Variants in TXNL1 observed in about 807,000 individuals in gnomAD.
TXNL1 encodes thioredoxin-like protein 1.
In TXNL1, 14 loss-of-function variants were observed where a neutral mutation model predicts 35.5. The observed-to-expected ratio is 0.39, with a 90% CI of 0.26 to 0.62. The LOEUF (loss-of-function observed/expected upper bound fraction) is 0.62, where lower values mean the gene tolerates loss of function less well. Among genes scored for constraint, TXNL1 ranks in the 20% least tolerant of loss-of-function variants. The pLI, the probability that TXNL1 is intolerant of heterozygous loss-of-function variation, is 0.47. For synonymous variants in TXNL1, 110 were observed against 115.5 expected (o/e 0.95, Z 0.31); for missense variants, 263 against 349.7 (o/e 0.75, Z 1.98).
chr18:56,620,948 C>A (rs1444882690), intron 3 of TXNL1, among the ~76,000 whole-genome samples: 1 of 152,146 alleles, frequency 6.6e-6, no homozygotes, highest in East Asian at 1.9e-4. Flanking sequence ...AAAAGGGCTA[C>A]AGAGCAAAGT....
intron 7 of TXNL1, among the ~76,000 whole-genome samples, chr18:56,606,550 T>C (rs1568098184): frequency 6.6e-6 from 1 of 152,186 alleles, no homozygotes; most frequent in East Asian, 1.9e-4. Flanking sequence ...AGGGTGCCCA[T>C]AGCTGCCTGT....
chr18:56,633,513 T>A (rs889200536), intron 1 of TXNL1, among the ~76,000 whole-genome samples: 1 of 145,632 alleles, frequency 6.9e-6, no homozygotes, highest in Non-Finnish European at 1.5e-5. Context: ...CGATTACTGC[T>A]GGGGCTGAGT....
rs1476726226 is a variant in TXNL1, at chr18:56,638,358, T to A, written c.83A>T (p.Lys28Met). 6.2e-7 allele frequency: 1 copy of A among 1,613,294 alleles called. No individual in the cohort carries two copies. Residue 28 changes from lysine to methionine, a missense_variant, in exon 1 of 8, where the codon AAG becomes ATG. Lys to Met is a moderately conservative substitution (Grantham distance 95). Transcript: ENST00000217515. ...CTGGCCTCACCCTCTCATGGTGAAC[T>A]TGACCACGGCGAGTCTGGAGCCCGC... is the stretch of plus-strand genomic sequence containing the variant. ...SGAGSRLAVV[K>M]FTMRGCGPCL...
rs1249057265 is a variant in TXNL1 at position 56,638,500 on chromosome 18, G to C, written c.-60C>G. The C allele has an allele frequency of 1.3e-6, 2 of 1,527,526 alleles. No homozygotes were observed. Among genetic ancestry groups the C allele is most frequent in the Non-Finnish European group, 1.8e-6 (2 of 1,120,776 alleles). The allele number at this position is 1,527,526 out of a possible 1,614,324, so 94.6% of individuals were successfully genotyped here. A position where few individuals can be genotyped will look rare whatever the true frequency, so the allele number is the denominator to read the frequency against. ...CACTGGCTTTGAAACTGAAGGAGAA[G>C]ACGATCTGGGAGAGGAAGGAGAGAT... On this transcript the variant is annotated 5_prime_UTR_variant, in exon 1 of 8. Coordinates refer to ENST00000217515, the MANE Select transcript of TXNL1 (RefSeq NM_004786.3).
At chr18:56,635,686 G>C (rs2024444515) in intron 1 of TXNL1, among the ~76,000 whole-genome samples, 1 of 152,154 alleles carries the variant, frequency 6.6e-6, no homozygotes, top group Non-Finnish European at 1.5e-5. Context: ...TCCTTTAATG[G>C]ATATAGAATT....
chr18:56,615,205 A>G (rs1022147721), intron 5 of TXNL1, among the ~76,000 whole-genome samples: 1 of 152,206 alleles, frequency 6.6e-6, no homozygotes, highest in Non-Finnish European at 1.5e-5. Context: ...TTTAAGACCC[A>G]TATTTTGTGG....
intron 7 of TXNL1, chr18:56,609,368 A>ACTAGG (rs1235778483): frequency 1.3e-5 from 2 of 152,224 alleles, no homozygotes; most frequent in African/African-American, 4.8e-5. Flanking sequence ...AAGAGAAAAT[A>ACTAGG]CTAGGCTAGA....
chr18:56,616,732 C>G (rs189067595), intron 4 of TXNL1, among the ~76,000 whole-genome samples: 191 of 152,296 alleles, frequency 1.3e-3, no homozygotes, highest in African/African-American at 4.3e-3. Context: ...AGGCAATACA[C>G]AGGTTATGCA....
At chr18:56,628,861 A>C (rs942097480) in intron 1 of TXNL1, among the ~76,000 whole-genome samples, 1 of 152,248 alleles carries the variant, frequency 6.6e-6, no homozygotes, top group Non-Finnish European at 1.5e-5. Flanking sequence ...ACAAATGTTA[A>C]AACTCAAGTT....
chr18:56,634,307 G>T (rs1350313148), intron 1 of TXNL1, among the ~76,000 whole-genome samples: 3 of 152,140 alleles, frequency 2.0e-5, no homozygotes, highest in African/African-American at 7.2e-5. Context: ...CCTTAGGCTG[G>T]AAAGATCAAG....
intron 1 of TXNL1, among the ~76,000 whole-genome samples, chr18:56,626,797 C>CTTTTTTTTTTTTTTTTTTTTTTTTTTTTT (rs386387792): frequency 3.6e-5 from 2 of 55,010 alleles, no homozygotes; most frequent in African/African-American, 1.4e-4. Flanking sequence ...CCAAGCCGGT[C>CTTTTTTTTTTTTTTTTTTTTTTTTTTTTT]TTTTTTTTTT....
At chr18:56,629,084 A>G (rs1295792266) in intron 1 of TXNL1, among the ~76,000 whole-genome samples, 1 of 152,246 alleles carries the variant, frequency 6.6e-6, no homozygotes, top group Non-Finnish European at 1.5e-5. Flanking sequence ...CCAAGACCCA[A>G]TAATTGCCCT....
At chr18:56,638,283 G>T in intron 1 of TXNL1, 60 bp downstream of exon 1, 1 of 1,511,938 alleles carries the variant, frequency 6.6e-7, no homozygotes, top group Non-Finnish European at 9.0e-7. Context: ...GGCCAACAAA[G>T]AGTGAAAGGA....
intron 6 of TXNL1, among the ~76,000 whole-genome samples, chr18:56,613,518 T>C (rs1382874344): frequency 6.6e-6 from 1 of 152,108 alleles, no homozygotes; most frequent in African/African-American, 2.4e-5. Context: ...CAAGCACTAG[T>C]CAATCTTCAG....
chr18:56,616,538 T>G (rs1378583442), intron 4 of TXNL1, among the ~76,000 whole-genome samples: 1 of 151,308 alleles, frequency 6.6e-6, no homozygotes, highest in Non-Finnish European at 1.5e-5. Context: ...AAGAAAAAAT[T>G]AATCAAGTAA....
At position 56,614,480 on chromosome 18, in the gene TXNL1, C is replaced by T. The variant is rs1467095374; in HGVS notation, c.679G>A (p.Glu227Lys). 6.2e-7 allele frequency: 1 copy of T among 1,613,932 alleles called. No individual in the cohort carries two copies. ...ALELTEDDIK[E>K]DGIVPLRYVK... ...TAACGAAGTGGAACAATGCCATCTT[C>T]TTTAATATCATCCTCTGTCAGTTCC... is the stretch of plus-strand genomic sequence containing the variant. The change falls in exon 6 of 8, where the codon GAA becomes AAA. Residue 227 changes from glutamate (E) to lysine (K), a missense_variant. Glu to Lys is a moderately conservative substitution (Grantham distance 56). Coordinates refer to ENST00000217515, the MANE Select transcript of TXNL1 (RefSeq NM_004786.3).
chr18:56,616,255 C>T lies in TXNL1; in HGVS notation c.552G>A (p.Gly184=). The T allele has an allele frequency of 6.2e-7, 1 of 1,613,442 alleles. No individual in the cohort carries two copies. Among genetic ancestry groups the T allele is most frequent in the Non-Finnish European group, 8.5e-7 (1 of 1,179,726 alleles). Residue 184 remains glycine (G), a synonymous_variant, in exon 5 of 8, where the codon GGG becomes GGA. Transcript: ENST00000217515. ...CTATCCTTTACTCACCATTATCTGG[C>T]CCTTGAAATTTCATGGAATAAAGCT... The part of the protein sequence containing the change: ...PVKLYSMKFQ[G]PDNGQGPKYV...
chr18:56,619,104 A>G (rs1303547413), intron 3 of TXNL1, among the ~76,000 whole-genome samples: 3 of 150,504 alleles, frequency 2.0e-5, no homozygotes, highest in African/African-American at 7.3e-5. Context: ...GTCCCAGCTA[A>G]TTGGGAGGCT....
chr18:56,625,926 A>G (rs2024270539), intron 2 of TXNL1, among the ~76,000 whole-genome samples: 1 of 152,202 alleles, frequency 6.6e-6, no homozygotes, highest in Non-Finnish European at 1.5e-5. Context: ...TCAATCAACA[A>G]TAATCACCAT....
Sources: gnomAD v4.1 joint callset for allele counts (sites outside exome capture counted in the v4.1 genomes callset) on GRCh38, gnomAD v4.1.1 for gene constraint, MANE v1.5 for transcripts, NCBI Gene and HGNC (gene_info 2026-07-23, HGNC 2026-07-21) for gene names.